Variants in DPP6 observed in about 807,000 individuals in gnomAD.
The protein encoded by DPP6 is dipeptidyl peptidase like 6, also known as A-type potassium channel modulatory protein DPP6.
Under a neutral mutation model 122.6 loss-of-function variants are expected in DPP6, and 69 were observed. The observed-to-expected ratio is 0.56, with a 90% confidence interval of 0.46 to 0.69. The LOEUF (loss-of-function observed/expected upper bound fraction) is 0.69. DPP6 is among the 30% of genes least tolerant of loss of function. The pLI, the probability that DPP6 is intolerant of heterozygous loss-of-function variation, is 0.00. For synonymous variants in DPP6, 418 were observed against 433.1 expected (o/e 0.97, Z 0.43); for missense variants, 928 against 1,116.9 (o/e 0.83, Z 2.41).
the DPP6 span, among the ~76,000 whole-genome samples, chr7:153,806,184 C>T: frequency 6.6e-6 from 1 of 151,608 alleles, no homozygotes; most frequent in African/African-American, 2.4e-5. Context: ...CTGGTCACTC[C>T]TGTCCATTCA....
chr7:154,000,506 C>T (rs1032486515), intron 1 of DPP6, among the ~76,000 whole-genome samples: 5 of 152,198 alleles, frequency 3.3e-5, no homozygotes, highest in African/African-American at 9.6e-5. Flanking sequence ...CCCAAGTAGG[C>T]GAGAGAATGC....
At chr7:154,308,307 T>C (rs1366105073) in intron 1 of DPP6, among the ~76,000 whole-genome samples, 1 of 102,004 alleles carries the variant, frequency 9.8e-6, no homozygotes, top group East Asian at 2.2e-4. Context: ...TTTTCTACCG[T>C]GTTTGCTAAA....
chr7:153,810,884 C>T, the DPP6 span, among the ~76,000 whole-genome samples: 1 of 152,138 alleles, frequency 6.6e-6, no homozygotes, highest in Non-Finnish European at 1.5e-5. Flanking sequence ...CAGAACAAAT[C>T]ACACCATATA....
intron 1 of DPP6, among the ~76,000 whole-genome samples, chr7:154,023,318 GCACACACACA>G (rs1554436897): frequency 2.0e-3 from 254 of 129,616 alleles, no homozygotes; most frequent in Non-Finnish European, 3.3e-3. Context: ...TTTCTTGTCT[GCACACACACA>G]CACACACACA....
intron 7 of DPP6, among the ~76,000 whole-genome samples, chr7:154,698,477 G>C (rs1840341473): frequency 6.6e-6 from 1 of 152,056 alleles, no homozygotes; most frequent in African/African-American, 2.4e-5. Flanking sequence ...ACCAGCATCA[G>C]GTGAATATGC....
At chr7:154,254,906 A>T (rs1802561164) in intron 1 of DPP6, among the ~76,000 whole-genome samples, 1 of 152,140 alleles carries the variant, frequency 6.6e-6, no homozygotes, top group Admixed American at 6.5e-5. Flanking sequence ...TAAGTGTAGG[A>T]GGAATACATT....
chr7:153,773,324 A>T, the DPP6 span, among the ~76,000 whole-genome samples: 6 of 39,356 alleles, frequency 1.5e-4, no homozygotes, highest in South Asian at 8.2e-4. Context: ...ATATATATAT[A>T]TATATATTTT....
intron 1 of DPP6, among the ~76,000 whole-genome samples, chr7:154,364,670 T>C (rs1812007274): frequency 6.6e-6 from 1 of 152,142 alleles, no homozygotes; most frequent in Non-Finnish European, 1.5e-5. Flanking sequence ...AAAGGACAAA[T>C]GTACTAGGAT....
intron 5 of DPP6, among the ~76,000 whole-genome samples, chr7:154,588,842 G>C (rs1458304433): frequency 6.6e-6 from 1 of 152,166 alleles, no homozygotes; most frequent in Non-Finnish European, 1.5e-5. Flanking sequence ...TGAGCAGGAG[G>C]CTTATTAAAC....
chr7:154,275,645 G>A (rs548447517), intron 1 of DPP6, among the ~76,000 whole-genome samples: 2 of 152,336 alleles, frequency 1.3e-5, no homozygotes, highest in South Asian at 4.1e-4. Flanking sequence ...AGGAGCCTGG[G>A]AGTCTGCACC....
intron 1 of DPP6, among the ~76,000 whole-genome samples, chr7:154,165,814 A>C (rs1034587798): frequency 1.1e-4 from 16 of 152,316 alleles, no homozygotes; most frequent in Admixed American, 9.2e-4. Context: ...TCTTTTGAGA[A>C]GTATCTGTTC....
the DPP6 span, among the ~76,000 whole-genome samples, chr7:153,850,864 A>G: frequency 6.6e-6 from 1 of 152,192 alleles, no homozygotes; most frequent in Non-Finnish European, 1.5e-5. Context: ...TTAGAATTCA[A>G]GGTGAGATTT....
the DPP6 span, among the ~76,000 whole-genome samples, chr7:153,875,928 A>AAG: frequency 6.6e-6 from 1 of 151,256 alleles, no homozygotes; most frequent in African/African-American, 2.4e-5. Flanking sequence ...GAGGACCAAA[A>AAG]AAAAAAAAAA....
chr7:153,950,263 GT>G (rs1802146805), intron 1 of DPP6, among the ~76,000 whole-genome samples: 2 of 152,144 alleles, frequency 1.3e-5, no homozygotes, highest in South Asian at 4.2e-4. Flanking sequence ...GGTAGACATG[GT>G]AGGAAGGGAG....
chr7:154,450,069 A>G (rs1820231581), intron 2 of DPP6, among the ~76,000 whole-genome samples: 3 of 152,028 alleles, frequency 2.0e-5, no homozygotes, highest in African/African-American at 4.8e-5. Context: ...TGATGTAACC[A>G]TACAATGGAA....
chr7:153,752,024 A>G, the DPP6 span, among the ~76,000 whole-genome samples: 1 of 152,184 alleles, frequency 6.6e-6, no homozygotes. Context: ...GTCATTTTGG[A>G]TAAGTTGCTT....
At chr7:154,677,644 T>C (rs531051750) in intron 7 of DPP6, among the ~76,000 whole-genome samples, 1 of 152,250 alleles carries the variant, frequency 6.6e-6, no homozygotes, top group South Asian at 2.1e-4. Flanking sequence ...CGTGTGGGCG[T>C]CTGCACGGGG....
At chr7:154,779,959 T>C (rs1272769949) in intron 10 of DPP6, among the ~76,000 whole-genome samples, 1 of 152,230 alleles carries the variant, frequency 6.6e-6, no homozygotes, top group Non-Finnish European at 1.5e-5. Context: ...ATTTCACAAA[T>C]GTGCTCTGTT....
chr7:154,246,873 G>A lies in DPP6; in HGVS notation c.243+193810G>A, dbSNP rs137901565. 1.0e-3 allele frequency among the ~76,000 whole-genome samples: 159 copies of A among 152,308 alleles called. 2 individuals are homozygous for A. The highest frequency in any genetic ancestry group is 3.7e-3 in the African/African-American group (153 of 41,580). ...TATAAAAGCTAAAACTAGGAAGCATGTGGAAGAAAATAATGGAAAATGTTA... is the reference window on the plus strand; with the variant it reads ...TATAAAAGCTAAAACTAGGAAGCATATGGAAGAAAATAATGGAAAATGTTA... On this transcript the variant is annotated intron_variant, in intron 1 of 25. Transcript: ENST00000377770.
Sources: allele counts gnomAD v4.1 joint callset (sites outside exome capture counted in the v4.1 genomes callset), GRCh38; gene constraint gnomAD v4.1.1; transcripts MANE v1.5; gene names NCBI Gene and HGNC (gene_info 2026-07-23, HGNC 2026-07-21).